MALRD1: variants seen among roughly 807,000 people sequenced by gnomAD.
The protein encoded by MALRD1 is MAM and LDL-receptor class A domain-containing protein 1.
In MALRD1, 247 loss-of-function variants were observed where a neutral mutation model predicts 242.1. The ratio of observed to expected loss-of-function variants is 1.02; its 90% CI spans 0.92 to 1.13. The LOEUF is 1.13. Ranked by LOEUF, MALRD1 falls within the 50% of genes most tolerant of loss-of-function variation. The pLI is 0.00. For missense variants in MALRD1, 2,989 were observed against 2,533.1 expected (o/e 1.18, Z -3.86); for synonymous variants, 995 against 866.6 (o/e 1.15, Z -2.60).
At chr10:19,390,727 C>A (rs1168242999) in intron 28 of MALRD1, among the ~76,000 whole-genome samples, 1 of 151,862 alleles carries the variant, frequency 6.6e-6, no homozygotes, top group East Asian at 1.9e-4. Flanking sequence ...ATAGAAAATG[C>A]CTGAGCTGAA....
Position 19,104,052 on chromosome 10 carries a change from G to A in MALRD1, c.671G>A (p.Ser224Asn). The change falls in exon 5 of 40, where the codon AGT becomes AAT. Residue 224 changes from serine to asparagine, a missense_variant. Coordinates refer to ENST00000454679, the MANE Select transcript of MALRD1 (RefSeq NM_001142308.3). ...ATTGCTATTGATGATATATCTTTCA[G>A]TTCAGGCTGCTTGCCTGCCAATGGT... ...EVIAIDDISF[S>N]SGCLPANDGI... The A allele has an allele frequency of 8.1e-7, 1 of 1,233,790 alleles. No individual in the cohort carries two copies. The highest frequency in any genetic ancestry group is 4.1e-5 in the South Asian group (1 of 24,414). 76.4% of individuals were successfully genotyped at this position (1,233,790 alleles called of 1,614,324 possible). A position where few individuals can be genotyped will look rare whatever the true frequency, so the allele number is the denominator to read the frequency against.
intron 28 of MALRD1, among the ~76,000 whole-genome samples, chr10:19,430,730 T>G (rs2130946032): frequency 6.6e-6 from 1 of 152,312 alleles, no homozygotes; most frequent in Non-Finnish European, 1.5e-5. Flanking sequence ...AAATTTGACC[T>G]TAATGTGGAT....
rs553018814 is a variant in MALRD1 at position 19,174,402 on chromosome 10, CA to C, written c.1831-804del. ...AGATAGCATGTTCTGAGCCCTGGCA[CA>C]AGTAAATTTAATGATCCTTGAGATT... On this transcript the variant is annotated intron_variant, in intron 13 of 39. Transcript: ENST00000454679. Among the ~76,000 whole-genome samples, 58 of 152,222 alleles carry C rather than the reference CA, an allele frequency of 3.8e-4. 1 individual carries two copies. The South Asian group carries it at 0.011, about 28-fold the overall frequency.
At chr10:19,556,185 T>C (rs1197343910) in intron 32 of MALRD1, among the ~76,000 whole-genome samples, 1 of 152,174 alleles carries the variant, frequency 6.6e-6, no homozygotes, top group African/African-American at 2.4e-5. Context: ...TTTCGTATAA[T>C]ATAATCCCTC....
intron 4 of MALRD1, among the ~76,000 whole-genome samples, chr10:19,096,907 C>T (rs748263119): frequency 2.6e-5 from 4 of 152,200 alleles, no homozygotes; most frequent in Admixed American, 6.5e-5. Flanking sequence ...GCTTTATCAC[C>T]TCCATCTGTG....
At chr10:19,110,571 A>T (rs775155038) in intron 5 of MALRD1, among the ~76,000 whole-genome samples, 1 of 152,150 alleles carries the variant, frequency 6.6e-6, no homozygotes, top group Non-Finnish European at 1.5e-5. Flanking sequence ...ATCAAAAGGG[A>T]TGCAATTTAT....
intron 32 of MALRD1, among the ~76,000 whole-genome samples, chr10:19,556,469 C>G (rs1835721643): frequency 6.6e-6 from 1 of 151,994 alleles, no homozygotes; most frequent in South Asian, 2.1e-4. Context: ...TTTACTGTCT[C>G]CATAGTTTTA....
chr10:19,425,622 A>G lies in MALRD1; in HGVS notation c.4846-24685A>G, dbSNP rs530622528. 3.0e-3 allele frequency among the ~76,000 whole-genome samples: 450 copies of G among 152,200 alleles called. 4 individuals carry two copies. Among genetic ancestry groups the G allele is most frequent in the African/African-American group, 0.011 (442 of 41,536 alleles). Reference sequence around the variant, plus strand: ...CTGCAAGGGCAGAGCGAAGTGAGGGACAGTGTACCTGTTCTCTGTTGCATT... The same window carrying G: ...CTGCAAGGGCAGAGCGAAGTGAGGGGCAGTGTACCTGTTCTCTGTTGCATT... On this transcript the variant is annotated intron_variant, in intron 28 of 39. Coordinates refer to ENST00000454679, the MANE Select transcript of MALRD1 (RefSeq NM_001142308.3).
chr10:19,457,685 C>G (rs1835729865), intron 29 of MALRD1, among the ~76,000 whole-genome samples: 1 of 149,222 alleles, frequency 6.7e-6, no homozygotes, highest in African/African-American at 2.5e-5. Context: ...AAGCAAGAAA[C>G]TAGGGAGAAC....
chr10:19,238,832 A>G (rs932549699), intron 18 of MALRD1, among the ~76,000 whole-genome samples: 17 of 151,294 alleles, frequency 1.1e-4, no homozygotes, highest in African/African-American at 3.2e-4. Context: ...CTAGTTTACA[A>G]TCCCATCAAC....
rs1444507117 is a variant in MALRD1, at chr10:19,280,113, A to G, written c.3146A>G (p.Asn1049Ser). ...GTTCCTGTAACATTACCTCCACACA[A>G]CTGCACAGACAATGAATTTATCTGC... ...TSVPVTLPPH[N>S]CTDNEFICRS... The change falls in exon 20 of 40, where the codon AAC (asparagine) becomes AGC (serine). Residue 1049 changes from asparagine (N) to serine (S), a missense_variant. Asn to Ser is a conservative substitution (Grantham distance 46). Transcript: ENST00000454679. The G allele has an allele frequency of 5.8e-6, 9 of 1,544,940 alleles. No homozygotes were observed. Among genetic ancestry groups the G allele is most frequent in the Non-Finnish European group, 7.9e-6 (9 of 1,145,044 alleles).
chr10:19,115,645 A>G (rs1330215186), intron 5 of MALRD1, among the ~76,000 whole-genome samples: 1 of 150,806 alleles, frequency 6.6e-6, no homozygotes, highest in Non-Finnish European at 1.5e-5. Context: ...TCTCTTTACT[A>G]TAAAAATATA....
intron 18 of MALRD1, among the ~76,000 whole-genome samples, chr10:19,231,957 G>A (rs1477136229): frequency 6.6e-6 from 1 of 151,732 alleles, no homozygotes; most frequent in Non-Finnish European, 1.5e-5. Context: ...ACTGTATTTT[G>A]TAACTTATCT....
intron 28 of MALRD1, among the ~76,000 whole-genome samples, chr10:19,431,606 T>G (rs1350342223): frequency 6.6e-6 from 1 of 152,210 alleles, no homozygotes; most frequent in Non-Finnish European, 1.5e-5. Context: ...TTTATTCATT[T>G]ATACCCAATG....
At position 19,484,673 on chromosome 10, in the gene MALRD1, T is replaced by C. The variant is rs574667049; in HGVS notation, c.5030-6844T>C. ...AAAATACTTTTTAAAAGCATAATAA[T>C]ATATGTTGGCACAGATATTGTTAAA... On this transcript the variant is annotated intron_variant, in intron 29 of 39. Coordinates refer to ENST00000454679, the MANE Select transcript of MALRD1 (RefSeq NM_001142308.3). 2.2e-4 allele frequency among the ~76,000 whole-genome samples: 33 copies of C among 152,342 alleles called. No homozygotes were observed. In the South Asian group the frequency reaches 3.3e-3, roughly 15 times the overall value.
At chr10:19,433,077 A>G (rs982788950) in intron 28 of MALRD1, among the ~76,000 whole-genome samples, 6 of 152,138 alleles carry the variant, frequency 3.9e-5, no homozygotes, top group African/African-American at 1.4e-4. Context: ...TGTGTTAGGT[A>G]CTCCTTATCA....
At chr10:19,552,787 A>G (rs914447300) in intron 32 of MALRD1, among the ~76,000 whole-genome samples, 1 of 152,054 alleles carries the variant, frequency 6.6e-6, no homozygotes, top group African/African-American at 2.4e-5. Context: ...ACACTGTAAT[A>G]ACTTATACAC....
chr10:19,256,305 A>G (rs544467492), intron 18 of MALRD1, among the ~76,000 whole-genome samples: 9 of 152,208 alleles, frequency 5.9e-5, no homozygotes, highest in East Asian at 5.8e-4. Flanking sequence ...ACCCAACTCT[A>G]TTTTTAAAAA....
At chr10:19,561,663 C>G (rs1357263477) in intron 32 of MALRD1, among the ~76,000 whole-genome samples, 1 of 151,608 alleles carries the variant, frequency 6.6e-6, no homozygotes, top group Admixed American at 6.6e-5. Flanking sequence ...AGGTCTCAGT[C>G]TTTTAGCGAG....
Sources: allele counts gnomAD v4.1 joint callset (sites outside exome capture counted in the v4.1 genomes callset), GRCh38; gene constraint gnomAD v4.1.1; transcripts MANE v1.5; gene names NCBI Gene and HGNC (gene_info 2026-07-23, HGNC 2026-07-21).